RBFOX1: variants seen among roughly 807,000 people sequenced by gnomAD.
The protein encoded by RBFOX1 is RNA binding protein fox-1 homolog 1.
Under a neutral mutation model 57.7 loss-of-function variants are expected in RBFOX1, and 8 were observed. The ratio of observed to expected loss-of-function variants is 0.14; its 90% CI spans 0.08 to 0.25. RBFOX1 has a LOEUF of 0.25. Ranked by LOEUF, RBFOX1 falls within the 10% of genes least tolerant of loss-of-function variation. RBFOX1 has a pLI of 1.00. For missense variants in RBFOX1, 611 were observed against 548.5 expected (o/e 1.11, Z -1.14); for synonymous variants, 326 against 222.4 (o/e 1.47, Z -4.15).
At chr16:7,370,970 A>G (rs1360013905) in intron 4 of RBFOX1, among the ~76,000 whole-genome samples, 2 of 152,176 alleles carry the variant, frequency 1.3e-5, no homozygotes, top group Non-Finnish European at 2.9e-5. Context: ...GCAAAGCCCC[A>G]ATCAGGAAAT....
At chr16:6,648,500 A>G (rs989324009) in intron 2 of RBFOX1, among the ~76,000 whole-genome samples, 1 of 152,180 alleles carries the variant, frequency 6.6e-6, no homozygotes, top group Non-Finnish European at 1.5e-5. Context: ...TTAAGAGTCT[A>G]GTGCCGTGAG....
intron 2 of RBFOX1, among the ~76,000 whole-genome samples, chr16:5,578,491 T>G (rs1878760553): frequency 6.6e-6 from 1 of 152,180 alleles, no homozygotes; most frequent in African/African-American, 2.4e-5. Flanking sequence ...CGGTCTGACA[T>G]TTAGAAATGT....
chr16:7,660,192 T>C (rs2067355545), intron 12 of RBFOX1, among the ~76,000 whole-genome samples: 1 of 152,192 alleles, frequency 6.6e-6, no homozygotes, highest in South Asian at 2.1e-4. Context: ...CACTCCCTGC[T>C]CGCATTCATT....
At chr16:6,839,939 G>T (rs529278474) in intron 3 of RBFOX1, among the ~76,000 whole-genome samples, 8 of 151,978 alleles carry the variant, frequency 5.3e-5, no homozygotes. Context: ...TTGCTTTAAC[G>T]TATGATGAGC....
In RBFOX1 at chr16:7,421,377, A is replaced by G. The variant is rs191121925; in HGVS notation, c.28-96770A>G. Among the ~76,000 whole-genome samples the G allele has an allele frequency of 1.2e-3, 176 of 152,296 alleles. 1 individual carries two copies. Among genetic ancestry groups the G allele is most frequent in the Non-Finnish European group, 1.7e-3 (118 of 68,034 alleles). The stretch of plus-strand genomic sequence containing the variant: ...TTATGGCACATGTATTTGCCAGTTT[A>G]ATGGACACTTTTCCATCTAGGACTG... On this transcript the variant is annotated intron_variant, in intron 4 of 15. Transcript: ENST00000550418.
Position 7,223,999 on chromosome 16 carries a change from A to G in RBFOX1, c.27+171901A>G, listed in dbSNP as rs547411215. Reference sequence around the variant, plus strand: ...GTGCTTTAATGTGAATTATAAGTACATAAGTAAAGTACATATTATTTATGC... The same window carrying G: ...GTGCTTTAATGTGAATTATAAGTACGTAAGTAAAGTACATATTATTTATGC... On this transcript the variant is annotated intron_variant, in intron 4 of 15. Transcript: ENST00000550418. Among the ~76,000 whole-genome samples the G allele has an allele frequency of 3.9e-5, 6 of 152,116 alleles. No homozygotes were observed. The South Asian group carries it at 1.0e-3, about 26-fold the overall frequency.
chr16:5,508,215 A>C (rs2043445786), intron 2 of RBFOX1, among the ~76,000 whole-genome samples: 1 of 152,186 alleles, frequency 6.6e-6, no homozygotes, highest in African/African-American at 2.4e-5. Flanking sequence ...ACAGACTGCA[A>C]TGCAGGCATT....
At chr16:6,527,469 G>A (rs1397144906) in intron 2 of RBFOX1, among the ~76,000 whole-genome samples, 3 of 152,128 alleles carry the variant, frequency 2.0e-5, no homozygotes, top group East Asian at 1.9e-4. Context: ...TGTGAAACAC[G>A]TGGATAAATA....
chr16:7,601,832 C>G (rs2095041422), intron 9 of RBFOX1, among the ~76,000 whole-genome samples: 1 of 152,126 alleles, frequency 6.6e-6, no homozygotes, highest in East Asian at 1.9e-4. Context: ...AAATAGAAAT[C>G]CTGTATTTTA....
chr16:6,753,993 A>G (rs146288912), intron 3 of RBFOX1, among the ~76,000 whole-genome samples: 2 of 152,238 alleles, frequency 1.3e-5, no homozygotes, highest in African/African-American at 4.8e-5. Flanking sequence ...GATGCTTTTT[A>G]CTGGGTTGTC....
chr16:6,034,675 A>G (rs558207821), intron 1 of RBFOX1, among the ~76,000 whole-genome samples: 2 of 152,312 alleles, frequency 1.3e-5, no homozygotes, highest in African/African-American at 4.8e-5. Context: ...ACAAACCTTC[A>G]TACCGTAACA....
intron 1 of RBFOX1, among the ~76,000 whole-genome samples, chr16:6,262,120 C>G (rs2097705140): frequency 6.6e-6 from 1 of 152,100 alleles, no homozygotes; most frequent in Non-Finnish European, 1.5e-5. Context: ...GCAGAGACTC[C>G]TTGACTTCCC....
chr16:7,120,714 A>G lies in RBFOX1; in HGVS notation c.27+68616A>G, dbSNP rs941926783. ...GTTGGGAAAAAAAAAAAAAAACTAT[A>G]CACAGTCTCTTACAGAAAATAGAAG... On this transcript the variant is annotated intron_variant, in intron 4 of 15. Transcript: ENST00000550418. Among the ~76,000 whole-genome samples, 163 of 150,118 alleles carry G rather than the reference A, an allele frequency of 1.1e-3. 1 individual carries two copies. The highest frequency in any genetic ancestry group is 3.6e-3 in the African/African-American group (147 of 41,050).
chr16:7,115,504 C>T (rs1207109700), intron 4 of RBFOX1, among the ~76,000 whole-genome samples: 1 of 152,180 alleles, frequency 6.6e-6, no homozygotes, highest in African/African-American at 2.4e-5. Flanking sequence ...CAGGTGTTGG[C>T]AGGAGCTAAA....
intron 3 of RBFOX1, among the ~76,000 whole-genome samples, chr16:5,618,760 A>G (rs1278804513): frequency 2.0e-5 from 3 of 152,240 alleles, no homozygotes; most frequent in Non-Finnish European, 4.4e-5. Flanking sequence ...CAGCTCAGGA[A>G]GGTAAATCAG....
intron 1 of RBFOX1, among the ~76,000 whole-genome samples, chr16:6,210,377 A>AAAAAAAAAAAAAAAAAAAAAAAAAG (rs1555552426): frequency 7.8e-6 from 1 of 128,438 alleles, no homozygotes. Flanking sequence ...AAAAAAAAAA[A>AAAAAAAAAAAAAAAAAAAAAAAAAG]AGAGAAAGGA....
intron 1 of RBFOX1, among the ~76,000 whole-genome samples, chr16:6,147,558 A>T (rs1036126025): frequency 5.3e-5 from 8 of 152,180 alleles, no homozygotes; most frequent in Admixed American, 1.3e-4. Context: ...AGCTACCTCA[A>T]AAACACCCAA....
chr16:6,665,467 A>T (rs1185711136), intron 3 of RBFOX1, among the ~76,000 whole-genome samples: 2 of 152,220 alleles, frequency 1.3e-5, no homozygotes, highest in South Asian at 2.1e-4. Context: ...TAAAAAATAT[A>T]AAAAAATATT....
intron 3 of RBFOX1, among the ~76,000 whole-genome samples, chr16:6,763,715 T>C (rs760280165): frequency 1.3e-5 from 2 of 152,216 alleles, no homozygotes; most frequent in Non-Finnish European, 2.9e-5. Context: ...TTGCCCCTTT[T>C]AGCCTGATAG....
Sources: allele counts gnomAD v4.1 joint callset (sites outside exome capture counted in the v4.1 genomes callset), GRCh38; gene constraint gnomAD v4.1.1; transcripts MANE v1.5; gene names NCBI Gene and HGNC (gene_info 2026-07-23, HGNC 2026-07-21).